The following TTC6 variants were observed in gnomAD, a reference collection of about 807,000 sequenced individuals.
TTC6 encodes the protein tetratricopeptide repeat protein 6.
TTC6 carries 172 observed loss-of-function variants against 210.4 expected under a neutral mutation model. The observed-to-expected ratio is 0.82, with a 90% CI of 0.72 to 0.93. The LOEUF (loss-of-function observed/expected upper bound fraction) is 0.93. Ranked by LOEUF, TTC6 falls within the 40% of genes least tolerant of loss-of-function variation. TTC6 has a pLI of 0.00. For missense variants in TTC6, 2,414 were observed against 2,318.1 expected, an observed-to-expected ratio of 1.04 and a Z score of -0.85; for synonymous variants, 804 against 819.6, an observed-to-expected ratio of 0.98 and a Z score of 0.32.
intron 1 of TTC6, among the ~76,000 whole-genome samples, chr14:37,641,875 C>T (rs902588174): frequency 6.6e-6 from 1 of 152,028 alleles, no homozygotes; most frequent in African/African-American, 2.4e-5. Context: ...AAACTGAGAC[C>T]CAGTGAGGAA....
intron 2 of TTC6, among the ~76,000 whole-genome samples, chr14:37,607,685 G>A (rs1214822999): frequency 6.7e-6 from 1 of 149,980 alleles, no homozygotes; most frequent in Admixed American, 6.7e-5. Flanking sequence ...CTGGTGTGCA[G>A]TGGGGCAATC....
At chr14:37,716,872 C>G (rs368527158) in intron 6 of TTC6, among the ~76,000 whole-genome samples, 4 of 151,996 alleles carry the variant, frequency 2.6e-5, no homozygotes, top group African/African-American at 9.6e-5. Flanking sequence ...TTTTCAGATG[C>G]CATGAAACAT....
At chr14:37,602,525 T>C (rs1413651864) in intron 1 of TTC6, among the ~76,000 whole-genome samples, 1 of 152,112 alleles carries the variant, frequency 6.6e-6, no homozygotes, top group African/African-American at 2.4e-5. Context: ...CTACCTCCTC[T>C]TCTGGGCTGC....
chr14:37,667,110 A>G (rs1302888703), intron 1 of TTC6, among the ~76,000 whole-genome samples: 1 of 150,166 alleles, frequency 6.7e-6, no homozygotes, highest in African/African-American at 2.4e-5. Flanking sequence ...AAAATAATTT[A>G]AAAATAAAAC....
At chr14:37,701,961 C>A (rs546916219) in intron 5 of TTC6, among the ~76,000 whole-genome samples, 1 of 152,164 alleles carries the variant, frequency 6.6e-6, no homozygotes, top group Non-Finnish European at 1.5e-5. Context: ...ATACAAAAGT[C>A]ATTGCTCTTG....
chr14:37,597,817 G>A (rs572933732), intron 1 of TTC6, among the ~76,000 whole-genome samples: 1 of 152,250 alleles, frequency 6.6e-6, no homozygotes, highest in Non-Finnish European at 1.5e-5. Flanking sequence ...AACTCCGCAC[G>A]CATCCCAGTC....
At chr14:37,715,578 T>A (rs1488261230) in intron 6 of TTC6, among the ~76,000 whole-genome samples, 2 of 152,062 alleles carry the variant, frequency 1.3e-5, no homozygotes, top group African/African-American at 4.8e-5. Context: ...GGGCATTATA[T>A]TAAGATAAAG....
intron 17 of TTC6, among the ~76,000 whole-genome samples, chr14:37,794,088 G>C (rs892326545): frequency 6.6e-6 from 1 of 152,152 alleles, no homozygotes. Context: ...TGAGATCTGC[G>C]AATGAGCCTC....
At chr14:37,804,880 C>G (rs2096114899) in intron 21 of TTC6, 66 bp downstream of exon 23, 7 of 1,576,096 alleles carry the variant, frequency 4.4e-6, no homozygotes, top group Non-Finnish European at 6.0e-6. Flanking sequence ...GTATGCAATT[C>G]TGTTTCTGAA....
intron 30 of TTC6, among the ~76,000 whole-genome samples, 190 bp downstream of exon 32, chr14:37,841,860 T>C (rs2096210943): frequency 6.6e-6 from 1 of 152,198 alleles, no homozygotes; most frequent in African/African-American, 2.4e-5. Flanking sequence ...AAAGCTGTGG[T>C]AAACTGAGAT....
intron 7 of TTC6, among the ~76,000 whole-genome samples, chr14:37,733,929 T>C (rs1998426): frequency 0.62 from 93,987 of 151,918 alleles, 30,572 homozygotes; most frequent in East Asian, 0.89. Context: ...GTATAATATA[T>C]TGTTAAACTT....
chr14:37,790,759 A>G (rs1161789489), exon 16 of TTC6: 35 of 1,534,532 alleles, frequency 2.3e-5, no homozygotes, highest in Non-Finnish European at 3.0e-5. Flanking sequence ...TGTTTTCTAC[A>G]TCGGGGAATA....
At chr14:37,823,682 C>A in intron 26 of TTC6, 65 bp from the exon 29 acceptor site, 1 of 1,411,046 alleles carries the variant, frequency 7.1e-7, no homozygotes, top group Non-Finnish European at 9.9e-7. Context: ...TATAGGAAAA[C>A]ATTGTATATG....
At chr14:37,605,669 A>G (rs2095623849) in intron 1 of TTC6, among the ~76,000 whole-genome samples, 1 of 152,204 alleles carries the variant, frequency 6.6e-6, no homozygotes, top group Non-Finnish European at 1.5e-5. Flanking sequence ...TAGAAAAGGA[A>G]TGTCTCTGAC....
intron 1 of TTC6, among the ~76,000 whole-genome samples, chr14:37,600,456 T>A (rs1406740273): frequency 6.6e-6 from 1 of 152,030 alleles, no homozygotes; most frequent in African/African-American, 2.4e-5. Context: ...AGCTTCTCCG[T>A]CCCAGGCCGG....
chr14:37,612,625 C>T (rs193090255), intron 2 of TTC6, among the ~76,000 whole-genome samples: 120 of 152,278 alleles, frequency 7.9e-4, no homozygotes, highest in African/African-American at 2.7e-3. Flanking sequence ...AATCTATGGA[C>T]ATGATATGTC....
At chr14:37,749,067 G>T in exon 11 of TTC6, 1 of 1,535,698 alleles carries the variant, frequency 6.5e-7, no homozygotes, top group East Asian at 2.4e-5. Context: ...CAAGCTAAGG[G>T]AGGAATTCCA....
exon 29 of TTC6, chr14:37,827,310 T>A: frequency 6.2e-7 from 1 of 1,613,300 alleles, no homozygotes; most frequent in East Asian, 2.2e-5. Flanking sequence ...CCCCAAGTAC[T>A]CGCTGGCTTA....
chr14:37,692,227 A>AAAG (rs928554622), intron 3 of TTC6, among the ~76,000 whole-genome samples: 22 of 147,802 alleles, frequency 1.5e-4, no homozygotes, highest in African/African-American at 5.2e-4. Context: ...AAAAAAAAAA[A>AAAG]AAAAAGAAAA....
Sources: allele counts gnomAD v4.1 joint callset (sites outside exome capture counted in the v4.1 genomes callset), GRCh38; gene constraint gnomAD v4.1.1; transcripts MANE v1.5; gene names NCBI Gene and HGNC (gene_info 2026-07-23, HGNC 2026-07-21).